The following TMEM94 variants were observed in gnomAD, a reference collection of about 807,000 sequenced individuals.
The protein encoded by TMEM94 is transmembrane protein 94.
Under a neutral mutation model 158.6 loss-of-function variants are expected in TMEM94, and 81 were observed. That is an observed-to-expected ratio of 0.51 (90% CI 0.43 to 0.61). The LOEUF is 0.61. Ranked by LOEUF, TMEM94 falls within the 20% of genes least tolerant of loss-of-function variation. The probability of loss-of-function intolerance (pLI) is 0.00; values close to 1 mark genes in which losing one functional copy is unlikely to be tolerated. For missense variants in TMEM94, 1,435 were observed against 1,762.0 expected (o/e 0.81, Z 3.32); for synonymous variants, 751 against 730.7 (o/e 1.03, Z -0.45).
Position 75,493,080 on chromosome 17 carries a change from C to G in TMEM94, c.2064C>G (p.Leu688=). 1 of 1,613,324 alleles carries G rather than the reference C, an allele frequency of 6.2e-7. No individual in the cohort carries two copies. The highest frequency in any genetic ancestry group is 2.2e-5 in the East Asian group (1 of 44,886). The change falls in exon 16 of 32, where the codon CTC becomes CTG. Residue 688 remains leucine (L), a synonymous_variant. Coordinates refer to ENST00000314256, the MANE Select transcript of TMEM94 (RefSeq NM_014738.6). The stretch of plus-strand genomic sequence containing the variant: ...CTCCCCTCAGCCACATGATCAGCCT[C>G]TTCATTAAAGACACCACCACCAGTG... ...RRPPLSHMIS[L]FIKDTTTSTE... is the part of the protein sequence containing the mutation.
rs1281438263 is a variant in TMEM94 at position 75,485,487 on chromosome 17, G to A, written c.84G>A (p.Glu28=). The change falls in exon 3 of 32, where the codon GAG becomes GAA. Residue 28 remains glutamate, a synonymous_variant. Coordinates refer to ENST00000314256, the MANE Select transcript of TMEM94 (RefSeq NM_014738.6). The surrounding 1 kb of genome is among the most constrained non-coding windows in gnomAD (Gnocchi z 5.5). The part of the protein sequence containing the change: ...STRKALSVLK[E]QLEAVLEGHL... ...GGAAGGCCCTCAGCGTCCTGAAGGA[G>A]CAGCTGGAGGCAGTGCTGGAAGGAC... is the stretch of plus-strand genomic sequence containing the variant. The A allele has an allele frequency of 6.2e-7, 1 of 1,614,214 alleles. No homozygotes were observed. The highest frequency in any genetic ancestry group is 8.5e-7 in the Non-Finnish European group (1 of 1,180,024).
At chr17:75,486,143 G>C in intron 4 of TMEM94, 145 bp downstream of exon 4, 1 of 1,447,718 alleles carries the variant, frequency 6.9e-7, no homozygotes, top group Non-Finnish European at 9.3e-7. Flanking sequence ...CCTTGAATGG[G>C]GTCAGAGGCC....
chr17:75,465,278 C>G lies in TMEM94; in HGVS notation c.-106-6522C>G, dbSNP rs151206466. On this transcript the variant is annotated intron_variant, in intron 1 of 31. Coordinates refer to ENST00000314256, the MANE Select transcript of TMEM94 (RefSeq NM_014738.6). ...CCTCCCCCGTCAGCCTCCCAAAGTGCTGAAATTACAGGCGTGAGCCACCAT... is the reference window on the plus strand; with the variant it reads ...CCTCCCCCGTCAGCCTCCCAAAGTGGTGAAATTACAGGCGTGAGCCACCAT... Among the ~76,000 whole-genome samples the G allele has an allele frequency of 2.0e-4, 30 of 152,214 alleles. No individual in the cohort carries two copies. The East Asian group carries it at 4.1e-3, about 21-fold the overall frequency.
intron 2 of TMEM94, chr17:75,476,402 C>G: frequency 1.2e-6 from 1 of 803,542 alleles, no homozygotes; most frequent in Non-Finnish European, 1.8e-6. Context: ...CTGTTTCCTC[C>G]CTCCTTCTCT....
chr17:75,480,104 A>AC lies in TMEM94; in HGVS notation c.25-5324_25-5323insC, dbSNP rs532948167. On this transcript the variant is annotated intron_variant, in intron 2 of 31. Coordinates refer to ENST00000314256, the MANE Select transcript of TMEM94 (RefSeq NM_014738.6). Reference sequence around the variant, plus strand: ...GACCCGGTCTCAAAGGAAAAAAAAAAAAAGAGAAAAAGAGCGAGAGAGAGC... The same window carrying AC: ...GACCCGGTCTCAAAGGAAAAAAAAAACAAAGAGAAAAAGAGCGAGAGAGAGC... 1.9e-3 allele frequency among the ~76,000 whole-genome samples: 296 copies of AC among 152,018 alleles called. 1 individual carries two copies. The highest frequency in any genetic ancestry group is 6.9e-3 in the African/African-American group (284 of 41,450).
At chr17:75,472,603 C>T (rs1025920924) in intron 2 of TMEM94, among the ~76,000 whole-genome samples, 3 of 152,172 alleles carry the variant, frequency 2.0e-5, no homozygotes, top group African/African-American at 4.8e-5. Flanking sequence ...GCAGGAGAAT[C>T]GCTTGAACCC....
chr17:75,493,396 CT>C, intron 16 of TMEM94, 94 bp from the exon 17 acceptor site: 1 of 1,286,230 alleles, frequency 7.8e-7, no homozygotes, highest in Non-Finnish European at 1.1e-6. Flanking sequence ...GCAGGGGCTC[CT>C]CAGCGCCCTT....
intron 5 of TMEM94, 65 bp downstream of exon 5, chr17:75,486,491 CCCCTCCTGCA>C (rs1404305735): frequency 6.3e-7 from 1 of 1,599,006 alleles, no homozygotes; most frequent in African/African-American, 1.3e-5. Flanking sequence ...CCTGAGGGCT[CCCCTCCTGCA>C]CCCCAGCACA....
Position 75,471,786 on chromosome 17 carries a change from T to G in TMEM94, c.-106-14T>G, listed in dbSNP as rs901413869. 6.1e-6 allele frequency: 6 copies of G among 989,242 alleles called. No individual in the cohort carries two copies. The African/African-American group carries it at 9.8e-5, about 16-fold the overall frequency. The allele number at this position is 989,242 out of a possible 1,614,324, so 61.3% of individuals were successfully genotyped here. A position where few individuals can be genotyped will look rare whatever the true frequency, so the allele number is the denominator to read the frequency against. On this transcript the variant is annotated splice_polypyrimidine_tract_variant and intron_variant, in intron 1 of 31. Transcript: ENST00000314256. ...TCCAGCAACCTGAGTGATTTCTTTC[T>G]TCTTTTTCCCCAGATGTTGTGACTG...
chr17:75,482,858 G>A (rs1417550108), intron 2 of TMEM94, among the ~76,000 whole-genome samples: 2 of 152,204 alleles, frequency 1.3e-5, no homozygotes, highest in African/African-American at 4.8e-5. Context: ...TGGTGAGGGT[G>A]TGTGGAAATG....
chr17:75,458,807 C>G (rs113550965), intron 1 of TMEM94, among the ~76,000 whole-genome samples: 280 of 152,170 alleles, frequency 1.8e-3, no homozygotes, highest in South Asian at 3.5e-3. Context: ...CCTGTAATCC[C>G]AGCACTTTGG....
At position 75,492,561 on chromosome 17, in the gene TMEM94, C is replaced by G; in HGVS notation, c.1684C>G (p.Gln562Glu). ...GGAGATGCTGAGCCTGTCCCAGGACCAGCAGAACCCCTCCTGCATCCAGTT... is the reference window on the plus strand; with the variant it reads ...GGAGATGCTGAGCCTGTCCCAGGACGAGCAGAACCCCTCCTGCATCCAGTT... ...HLEMLSLSQD[Q>E]QNPSCIQFDD... is the part of the protein sequence containing the mutation. Residue 562 changes from glutamine (Q) to glutamate (E), a missense_variant, in exon 15 of 32, where the codon CAG (glutamine) becomes GAG (glutamate). Transcript: ENST00000314256. This position sits in a 1 kb window ranked among gnomAD's most constrained non-coding sequence, Gnocchi z 4.4. The G allele has an allele frequency of 1.9e-6, 3 of 1,614,018 alleles. No individual in the cohort carries two copies. The highest frequency in any genetic ancestry group is 2.5e-6 in the Non-Finnish European group (3 of 1,179,976).
intron 1 of TMEM94, among the ~76,000 whole-genome samples, chr17:75,460,118 C>T (rs570219831): frequency 1.7e-4 from 26 of 152,172 alleles, no homozygotes; most frequent in African/African-American, 5.8e-4. Flanking sequence ...TGATGGCCTG[C>T]GTAAGGAGGA....
intron 2 of TMEM94, among the ~76,000 whole-genome samples, chr17:75,479,025 G>A (rs2146380574): frequency 6.6e-6 from 1 of 152,254 alleles, no homozygotes; most frequent in East Asian, 1.9e-4. Context: ...CCCTGCCATT[G>A]GTGCCCAGGT....
intron 1 of TMEM94, among the ~76,000 whole-genome samples, chr17:75,467,551 A>T (rs1598318391): frequency 9.3e-6 from 1 of 107,904 alleles, no homozygotes. Context: ...TTTGAGACGG[A>T]GTCTCGCTCT....
At position 75,498,191 on chromosome 17, in the gene TMEM94, T is replaced by G; in HGVS notation, c.3506T>G (p.Leu1169Arg). ...TTCCCGCAGACCCAGCACTACTTCC[T>G]GCTCTGCTTCCTGCTCAAGTTCAGC... Reference protein sequence around the residue: ...SIPKKTQHYFLLCFLLKFSLT... With the variant: ...SIPKKTQHYFRLCFLLKFSLT... The change falls in exon 28 of 32, where the codon CTG (leucine) becomes CGG (arginine). Residue 1169 changes from leucine to arginine, a missense_variant. By Grantham distance (102) the Leu-to-Arg change is moderately radical (BLOSUM62 -2). Around this residue, in one of 3 missense-constraint regions of TMEM94, gnomAD observed 335 missense variants for 409.1 expected, o/e 0.82. Transcript: ENST00000314256. This position sits in a 1 kb window ranked among gnomAD's most constrained non-coding sequence, Gnocchi z 6.7. 1 of 1,613,980 alleles carries G rather than the reference T, an allele frequency of 6.2e-7. No individual in the cohort carries two copies. Among genetic ancestry groups the G allele is most frequent in the Non-Finnish European group, 8.5e-7 (1 of 1,180,016 alleles).
At chr17:75,496,605 C>T (rs1454807013) in intron 24 of TMEM94, 125 bp from the exon 25 acceptor site, 3 of 1,376,454 alleles carry the variant, frequency 2.2e-6, no homozygotes, top group East Asian at 4.6e-5. Context: ...CAGGCAGTTA[C>T]ATTCGCCTCT....
chr17:75,472,423 G>A (rs989927529), intron 2 of TMEM94, among the ~76,000 whole-genome samples: 9 of 152,228 alleles, frequency 5.9e-5, no homozygotes, highest in African/African-American at 2.2e-4. Context: ...GTTTGGCCCA[G>A]CCTCCATGTA....
intron 2 of TMEM94, among the ~76,000 whole-genome samples, chr17:75,481,464 G>A (rs961954753): frequency 1.3e-5 from 2 of 152,240 alleles, no homozygotes; most frequent in African/African-American, 4.8e-5. Flanking sequence ...AGCACTGGGG[G>A]CTCCACTTGA....
Sources: allele counts gnomAD v4.1 joint callset (sites outside exome capture counted in the v4.1 genomes callset), GRCh38; gene constraint gnomAD v4.1.1; regional missense constraint gnomAD v4.1.1; non-coding constraint Gnocchi (gnomAD v3.1); transcripts MANE v1.5; gene names NCBI Gene and HGNC (gene_info 2026-07-23, HGNC 2026-07-21).